Variants in TMED5 observed in about 807,000 individuals in gnomAD.
TMED5 encodes the protein transmembrane emp24 domain-containing protein 5.
A neutral mutation model predicts 23.0 loss-of-function variants in TMED5; 27 were observed. The observed-to-expected ratio is 1.17, with a 90% confidence interval of 0.86 to 1.62. The LOEUF (loss-of-function observed/expected upper bound fraction) is 1.62, where lower values mean the gene tolerates loss of function less well. TMED5 is among the 40% of genes most tolerant of loss of function. The pLI is 0.00. For synonymous variants in TMED5, 97 were observed against 100.8 expected (o/e 0.96, Z 0.23); for missense variants, 248 against 273.7 (o/e 0.91, Z 0.66).
chr1:93,160,521 G>A (rs1382169883), intron 1 of TMED5: 8 of 213,462 alleles, frequency 3.7e-5, no homozygotes, highest in African/African-American at 6.8e-5. Context: ...TAGAATGGAC[G>A]GAAACACAAA....
chr1:93,154,933 A>T, intron 3 of TMED5, 45 bp from the exon 4 acceptor site: 1 of 1,373,796 alleles, frequency 7.3e-7, no homozygotes, highest in Non-Finnish European at 1.0e-6. Flanking sequence ...ATGCTCAGAA[A>T]TTTTAACTTA....
chr1:93,158,295 C>A (rs1490829606), intron 2 of TMED5, among the ~76,000 whole-genome samples: 1 of 152,068 alleles, frequency 6.6e-6, no homozygotes, highest in Non-Finnish European at 1.5e-5. Context: ...CGTCATAGGA[C>A]TGTGGTTAAG....
intron 1 of TMED5, among the ~76,000 whole-genome samples, chr1:93,172,571 CTGAG>C (rs1434370801): frequency 2.0e-5 from 3 of 152,228 alleles, no homozygotes; most frequent in African/African-American, 7.2e-5. Context: ...TGGGAGGATC[CTGAG>C]CCCAGGAGTT....
intron 2 of TMED5, among the ~76,000 whole-genome samples, chr1:93,157,461 G>A: frequency 6.6e-6 from 1 of 152,174 alleles, no homozygotes; most frequent in East Asian, 1.9e-4. Flanking sequence ...CAGGTGCGGT[G>A]GCTCATACCT....
At chr1:93,171,806 T>G (rs916952881) in intron 1 of TMED5, among the ~76,000 whole-genome samples, 52 of 152,278 alleles carry the variant, frequency 3.4e-4, no homozygotes, top group African/African-American at 1.2e-3. Flanking sequence ...GCAAAAATCT[T>G]CAACAAAATA....
At chr1:93,176,182 G>C (rs891176749) in intron 1 of TMED5, among the ~76,000 whole-genome samples, 2 of 152,164 alleles carry the variant, frequency 1.3e-5, no homozygotes, top group African/African-American at 2.4e-5. Context: ...AAGTAGACTT[G>C]TACCACTTTT....
chr1:93,153,085 T>C lies in TMED5; in HGVS notation c.*1585A>G, dbSNP rs767093611. On this transcript the variant is annotated 3_prime_UTR_variant, in exon 4 of 4. Coordinates refer to ENST00000370282, the MANE Select transcript of TMED5 (RefSeq NM_016040.5). ...ATCAAGAATTCCAGCATTACTAACC[T>C]GTTGAGGGGTTCTATACCCCAAATT... 6.6e-6 allele frequency: 1 copy of C among 152,588 alleles called. No individual in the cohort carries two copies. Among genetic ancestry groups the C allele is most frequent in the Non-Finnish European group, 1.5e-5 (1 of 68,008 alleles). 9.5% of individuals were successfully genotyped at this position (152,588 alleles called of 1,614,324 possible). A position where few individuals can be genotyped will look rare whatever the true frequency, so the allele number is the denominator to read the frequency against.
intron 1 of TMED5, among the ~76,000 whole-genome samples, chr1:93,167,252 T>C (rs986703485): frequency 1.3e-5 from 2 of 152,216 alleles, no homozygotes; most frequent in Admixed American, 6.5e-5. Context: ...TCTGGGTCTT[T>C]TGTGGTTCCA....
intron 1 of TMED5, among the ~76,000 whole-genome samples, chr1:93,172,906 T>C (rs1648776197): frequency 2.0e-5 from 3 of 152,192 alleles, no homozygotes; most frequent in Non-Finnish European, 4.4e-5. Context: ...CACAATGGAA[T>C]ACTGGAGGAC....
rs1364772779 is a variant in TMED5, at chr1:93,158,846, G to A, written c.287+1283C>T. The stretch of plus-strand genomic sequence containing the variant: ...CTCGGAAAGTGCTGGGATTATAGGC[G>A]TGAACCGCAGTGCCTGGCCCATTTT... On this transcript the variant is annotated intron_variant, in intron 2 of 3. Coordinates refer to ENST00000370282, the MANE Select transcript of TMED5 (RefSeq NM_016040.5). 1.0e-5 allele frequency: 9 copies of A among 880,836 alleles called. No individual in the cohort carries two copies. In the African/African-American group the frequency reaches 1.5e-4, roughly 14 times the overall value. 54.6% of individuals were successfully genotyped at this position (880,836 alleles called of 1,614,324 possible). A position where few individuals can be genotyped will look rare whatever the true frequency, so the allele number is the denominator to read the frequency against.
chr1:93,174,009 G>C (rs1477187583), intron 1 of TMED5, among the ~76,000 whole-genome samples: 1 of 152,026 alleles, frequency 6.6e-6, no homozygotes, highest in Non-Finnish European at 1.5e-5. Flanking sequence ...CCAGGCTGGA[G>C]TGCAGCAGCA....
chr1:93,164,375 G>T (rs1648407812), intron 1 of TMED5, among the ~76,000 whole-genome samples: 1 of 152,128 alleles, frequency 6.6e-6, no homozygotes, highest in South Asian at 2.1e-4. Context: ...AAGCTTTGGG[G>T]CTGAATTATG....
At chr1:93,175,830 C>A (rs777359939) in intron 1 of TMED5, among the ~76,000 whole-genome samples, 1 of 152,110 alleles carries the variant, frequency 6.6e-6, no homozygotes, top group Non-Finnish European at 1.5e-5. Flanking sequence ...GCCTATTATG[C>A]CCTTAAAAAA....
chr1:93,160,457 T>A, intron 1 of TMED5: 1 of 357,052 alleles, frequency 2.8e-6, no homozygotes, highest in Non-Finnish European at 5.1e-6. Context: ...TTAGGCCTTA[T>A]GGATATTACT....
intron 2 of TMED5, chr1:93,159,034 G>A (rs1382355433): frequency 5.6e-6 from 1 of 177,872 alleles, no homozygotes; most frequent in African/African-American, 2.4e-5. Context: ...TTTTAAATGA[G>A]TATCTTAAAA....
Position 93,154,605 on chromosome 1 carries a change from G to T in TMED5, c.*65C>A. ...TTTGGAGAAGACCATTAATGGTCTT[G>T]ACTGTAACAGTTTATTGCATTTTTA... On this transcript the variant is annotated 3_prime_UTR_variant, in exon 4 of 4. Coordinates refer to ENST00000370282, the MANE Select transcript of TMED5 (RefSeq NM_016040.5). 1.8e-6 allele frequency: 2 copies of T among 1,132,042 alleles called. No individual in the cohort carries two copies. The highest frequency in any genetic ancestry group is 2.6e-6 in the Non-Finnish European group (2 of 770,196). The allele number at this position is 1,132,042 out of a possible 1,614,324, so 70.1% of individuals were successfully genotyped here.
chr1:93,161,517 C>G (rs554947613), intron 1 of TMED5: 1 of 152,286 alleles, frequency 6.6e-6, no homozygotes, highest in Admixed American at 6.5e-5. Flanking sequence ...TAGTGGAACA[C>G]TAAGCATGTA....
Position 93,153,386 on chromosome 1 carries a change from A to C in TMED5, c.*1284T>G, listed in dbSNP as rs1647945471. On this transcript the variant is annotated 3_prime_UTR_variant, in exon 4 of 4. Transcript: ENST00000370282. ...TTTTAATAAAAGTTGTTATAATAAA[A>C]ATTTTTAATAAATATGTACACCCAG... The C allele has an allele frequency of 6.6e-6, 1 of 152,136 alleles. No individual in the cohort carries two copies. Among genetic ancestry groups the C allele is most frequent in the South Asian group, 2.1e-4 (1 of 4,836 alleles). 9.4% of individuals were successfully genotyped at this position (152,136 alleles called of 1,614,324 possible). A position where few individuals can be genotyped will look rare whatever the true frequency, so the allele number is the denominator to read the frequency against.
rs1170662546 is a variant in TMED5, at chr1:93,150,292, G to GT, written c.*4377dup. Reference sequence around the variant, plus strand: ...TTGAGGTCCATGCAATTTGTTACATGTATCAGTAGTTTGTTCCTTCATATT... The same window carrying GT: ...TTGAGGTCCATGCAATTTGTTACATGTTATCAGTAGTTTGTTCCTTCATATT... On this transcript the variant is annotated 3_prime_UTR_variant, in exon 4 of 4. Transcript: ENST00000370282. The GT allele has an allele frequency of 6.6e-6, 1 of 152,200 alleles. No individual in the cohort carries two copies. The highest frequency in any genetic ancestry group is 1.5e-5 in the Non-Finnish European group (1 of 68,036). 9.4% of individuals were successfully genotyped at this position (152,200 alleles called of 1,614,324 possible).
Sources: gnomAD v4.1 joint callset for allele counts (sites outside exome capture counted in the v4.1 genomes callset) on GRCh38, gnomAD v4.1.1 for gene constraint, MANE v1.5 for transcripts, NCBI Gene and HGNC (gene_info 2026-07-23, HGNC 2026-07-21) for gene names.